The following MAU2 variants were observed in gnomAD, a reference collection of about 807,000 sequenced individuals.
MAU2 encodes MAU2 chromatid cohesion factor homolog.
A neutral mutation model predicts 89.1 loss-of-function variants in MAU2; 9 were observed. The ratio of observed to expected loss-of-function variants is 0.10; its 90% confidence interval spans 0.06 to 0.18. The LOEUF (loss-of-function observed/expected upper bound fraction) is 0.18, where lower values mean the gene tolerates loss of function less well. MAU2 is among the 10% of genes least tolerant of loss of function. The pLI is 1.00. For synonymous variants in MAU2, 357 were observed against 343.4 expected (o/e 1.04, Z -0.44); for missense variants, 425 against 803.5 (o/e 0.53, Z 5.69).
rs569730533 is a variant in MAU2, at chr19:19,345,532, C to G, written c.1221+163C>G. Among the ~76,000 whole-genome samples, 1 of 152,210 alleles carries G rather than the reference C, an allele frequency of 6.6e-6. No homozygotes were observed. The highest frequency in any genetic ancestry group is 6.5e-5 in the Admixed American group (1 of 15,286). On this transcript the variant is annotated intron_variant, in intron 12 of 18. Coordinates refer to ENST00000262815, the MANE Select transcript of MAU2 (RefSeq NM_015329.4). The surrounding 1 kb of genome is among the most constrained non-coding windows in gnomAD (Gnocchi z 4.9). ...CAGCCCATGCCAGCCTTGGCAGTGA[C>G]GCGCTGTTTATCTGGATAAGGGACA... is the stretch of plus-strand genomic sequence containing the variant.
chr19:19,342,173 G>A (rs1426023319), intron 7 of MAU2, among the ~76,000 whole-genome samples: 1 of 152,146 alleles, frequency 6.6e-6, no homozygotes, highest in Non-Finnish European at 1.5e-5. Context: ...TCCTGGGCCA[G>A]GAAGCCACCT....
chr19:19,333,417 T>C (rs1216997039), intron 1 of MAU2, among the ~76,000 whole-genome samples: 1 of 151,778 alleles, frequency 6.6e-6, no homozygotes, highest in Non-Finnish European at 1.5e-5. Flanking sequence ...GCCCAGGAGG[T>C]CAAGGCTGCA....
intron 1 of MAU2, chr19:19,334,403 G>T: frequency 1.0e-6 from 1 of 985,764 alleles, no homozygotes; most frequent in African/African-American, 1.7e-5. Context: ...CTGTGTCTTG[G>T]CAGTAGCTGC....
Position 19,336,246 on chromosome 19 carries a change from C to T in MAU2, c.360+59C>T, listed in dbSNP as rs572589277. Reference sequence around the variant, plus strand: ...GTCTCTCCGTGTCGCTAAGACATGACAGCACATTGGTAAATTGGGGTTCCG... The same window carrying T: ...GTCTCTCCGTGTCGCTAAGACATGATAGCACATTGGTAAATTGGGGTTCCG... On this transcript the variant is annotated intron_variant, in intron 3 of 18. Coordinates refer to ENST00000262815, the MANE Select transcript of MAU2 (RefSeq NM_015329.4). The T allele has an allele frequency of 4.5e-5, 58 of 1,292,606 alleles. No individual in the cohort carries two copies. The African/African-American group carries it at 7.4e-4, about 17-fold the overall frequency. The allele number at this position is 1,292,606 out of a possible 1,614,324, so 80.1% of individuals were successfully genotyped here.
chr19:19,334,212 C>T (rs921813728), intron 1 of MAU2: 2 of 985,206 alleles, frequency 2.0e-6, no homozygotes, highest in African/African-American at 1.7e-5. Flanking sequence ...GGCCACACTT[C>T]TGACGGCAGG....
chr19:19,343,347 G>A (rs141020550), intron 9 of MAU2, among the ~76,000 whole-genome samples: 1 of 152,302 alleles, frequency 6.6e-6, no homozygotes, highest in African/African-American at 2.4e-5. Context: ...TTGCTCCCTC[G>A]TGAGTGCTGC....
intron 12 of MAU2, chr19:19,346,955 C>A: frequency 3.8e-6 from 1 of 265,548 alleles, no homozygotes; most frequent in Non-Finnish European, 7.2e-6. Context: ...CTGGCTGTGG[C>A]CTGGAGGAAG....
chr19:19,323,244 G>GA (rs1220525810), intron 1 of MAU2, among the ~76,000 whole-genome samples: 5 of 148,778 alleles, frequency 3.4e-5, no homozygotes, highest in Non-Finnish European at 4.5e-5. Context: ...CACCAGGCTG[G>GA]AGTGCAGTGG....
intron 1 of MAU2, among the ~76,000 whole-genome samples, chr19:19,332,224 A>G (rs1557723): frequency 0.81 from 122,977 of 151,890 alleles, 50,200 homozygotes; most frequent in East Asian, 1. Context: ...GCAACAGCAC[A>G]ATCATAGCTC....
Position 19,336,991 on chromosome 19 carries a change from G to A in MAU2, c.361-179G>A, listed in dbSNP as rs371199082. Reference sequence around the variant, plus strand: ...GATGCAGAAACTTCCCAGCCAGTGAGTCCAATAAAATATCTTTTTTTACTT... The same window carrying A: ...GATGCAGAAACTTCCCAGCCAGTGAATCCAATAAAATATCTTTTTTTACTT... On this transcript the variant is annotated intron_variant, in intron 3 of 18. Transcript: ENST00000262815. Among the ~76,000 whole-genome samples the A allele has an allele frequency of 4.3e-4, 65 of 152,342 alleles. No homozygotes were observed. The South Asian group carries it at 0.013, about 32-fold the overall frequency.
intron 1 of MAU2, among the ~76,000 whole-genome samples, 197 bp downstream of exon 1, chr19:19,321,332 C>G (rs2061453457): frequency 1.3e-5 from 2 of 152,180 alleles, no homozygotes; most frequent in African/African-American, 4.8e-5. Flanking sequence ...AAGCCTCGCC[C>G]CCCACGCCTT....
intron 1 of MAU2, among the ~76,000 whole-genome samples, chr19:19,322,131 G>A (rs2146644489): frequency 6.6e-6 from 1 of 152,058 alleles, no homozygotes; most frequent in South Asian, 2.1e-4. Context: ...CTGAGTAGCT[G>A]AGACTACAGG....
At chr19:19,341,710 G>C (rs2086508160) in intron 7 of MAU2, among the ~76,000 whole-genome samples, 1 of 152,240 alleles carries the variant, frequency 6.6e-6, no homozygotes, top group African/African-American at 2.4e-5. Context: ...GGAATCATGA[G>C]AATAAACCAC....
chr19:19,343,550 AACCTGCCATGTCC>A (rs2061670254), intron 9 of MAU2, among the ~76,000 whole-genome samples: 2 of 150,110 alleles, frequency 1.3e-5, no homozygotes, highest in South Asian at 4.2e-4. Flanking sequence ...ACATTTCTAG[AACCTGCCATGTCC>A]ACAAGCTCTT....
chr19:19,321,171 G>A (rs1231756212), intron 1 of MAU2, 36 bp downstream of exon 1: 1 of 1,546,704 alleles, frequency 6.5e-7, no homozygotes, highest in South Asian at 1.2e-5. Flanking sequence ...AGGAGTCGCG[G>A]GCTCCTTGCA....
At chr19:19,344,716 G>T (rs2061680018) in intron 10 of MAU2, 133 bp from the exon 11 acceptor site, 2 of 691,120 alleles carry the variant, frequency 2.9e-6, no homozygotes, top group Non-Finnish European at 5.2e-6. Flanking sequence ...GGACGTGTCT[G>T]CTGGGGCTTT....
At chr19:19,327,962 G>A (rs1327926467) in intron 1 of MAU2, among the ~76,000 whole-genome samples, 2 of 151,806 alleles carry the variant, frequency 1.3e-5, no homozygotes, top group Non-Finnish European at 2.9e-5. Context: ...TAGAGAATTC[G>A]CAGTGACCAA....
intron 3 of MAU2, 57 bp from the exon 4 acceptor site, chr19:19,337,113 A>G (rs2061603009): frequency 7.5e-7 from 1 of 1,324,622 alleles, no homozygotes; most frequent in Admixed American, 2.0e-5. Flanking sequence ...ATCCAGCTTG[A>G]TTGCCGCCTT....
At chr19:19,347,518 C>T (rs1157041476) in intron 13 of MAU2, 152 bp downstream of exon 13, 6 of 624,408 alleles carry the variant, frequency 9.6e-6, no homozygotes, top group African/African-American at 5.5e-5. Flanking sequence ...ACACACAAGG[C>T]GACCCAGAGG....
Sources: allele counts gnomAD v4.1 joint callset (sites outside exome capture counted in the v4.1 genomes callset), GRCh38; gene constraint gnomAD v4.1.1; non-coding constraint Gnocchi (gnomAD v3.1); transcripts MANE v1.5; gene names NCBI Gene and HGNC (gene_info 2026-07-23, HGNC 2026-07-21).